Variants in EYS observed in about 807,000 individuals in gnomAD.
EYS encodes protein eyes shut homolog.
A neutral mutation model predicts 282.1 loss-of-function variants in EYS; 250 were observed. The ratio of observed to expected loss-of-function variants is 0.89; its 90% confidence interval spans 0.80 to 0.98. The LOEUF is 0.98. Ranked by LOEUF, EYS falls within the 50% of genes least tolerant of loss-of-function variation. EYS has a pLI of 0.00. For synonymous variants in EYS, 1,355 were observed against 1,282.9 expected (o/e 1.06, Z -1.20); for missense variants, 4,016 against 3,709.0 (o/e 1.08, Z -2.15).
intron 8 of EYS, among the ~76,000 whole-genome samples, chr6:65,378,060 G>T (rs1039217195): frequency 2.0e-5 from 3 of 152,108 alleles, no homozygotes; most frequent in African/African-American, 7.2e-5. Flanking sequence ...AAGAGCTTCT[G>T]CACAGCAAAG....
rs1333585307 is a variant in EYS at position 64,307,082 on chromosome 6, T to A, written c.6079A>T (p.Met2027Leu). Residue 2027 changes from methionine to leucine, a missense_variant and splice_region_variant, in exon 30 of 43, where the codon ATG becomes TTG. By Grantham distance (15) the Met-to-Leu change is conservative. Transcript: ENST00000503581. ...GFPDLHGKIQ[M>L]PVPVKNFTGC... ...GTAAAATTCTTGACTGGTACAGGCA[T>A]CTGAGAGAGAGAGAGAGAGAGAGAA... 1.6e-6 allele frequency: 2 copies of A among 1,238,044 alleles called. No homozygotes were observed. The highest frequency in any genetic ancestry group is 4.6e-5 in the Admixed American group (2 of 43,232). 76.7% of individuals were successfully genotyped at this position (1,238,044 alleles called of 1,614,324 possible). A position where few individuals can be genotyped will look rare whatever the true frequency, so the allele number is the denominator to read the frequency against.
intron 2 of EYS, among the ~76,000 whole-genome samples, chr6:65,556,967 A>G (rs192388931): frequency 5.3e-5 from 8 of 152,362 alleles, no homozygotes; most frequent in Non-Finnish European, 1.0e-4. Flanking sequence ...AGTATATGGT[A>G]ATAATATATG....
intron 21 of EYS, among the ~76,000 whole-genome samples, chr6:64,814,791 T>C (rs751587751): frequency 2.6e-4 from 40 of 151,982 alleles, no homozygotes; most frequent in Non-Finnish European, 1.0e-4. Context: ...ACTTGAATCA[T>C]TTTGCACTCT....
chr6:64,374,486 A>G (rs1459583900), intron 29 of EYS, among the ~76,000 whole-genome samples: 1 of 151,032 alleles, frequency 6.6e-6, no homozygotes, highest in Non-Finnish European at 1.5e-5. Flanking sequence ...GGAGAGCATG[A>G]ATGCCCCTGG....
At chr6:64,418,753 C>G (rs2150449308) in intron 28 of EYS, among the ~76,000 whole-genome samples, 1 of 151,300 alleles carries the variant, frequency 6.6e-6, no homozygotes, top group South Asian at 2.1e-4. Context: ...GAATATATGA[C>G]TATAATTGAG....
At chr6:65,220,624 A>C (rs1158613621) in intron 12 of EYS, among the ~76,000 whole-genome samples, 1 of 152,176 alleles carries the variant, frequency 6.6e-6, no homozygotes, top group Non-Finnish European at 1.5e-5. Context: ...CAGGATGAGA[A>C]TGAACTAATA....
At chr6:65,398,583 CA>C (rs1766377141) in intron 7 of EYS, among the ~76,000 whole-genome samples, 1 of 151,936 alleles carries the variant, frequency 6.6e-6, no homozygotes, top group Non-Finnish European at 1.5e-5. Flanking sequence ...ACTAAGTTCT[CA>C]AAAGGAAATG....
intron 36 of EYS, among the ~76,000 whole-genome samples, chr6:63,815,129 C>G (rs1771146334): frequency 6.6e-6 from 1 of 152,128 alleles, no homozygotes; most frequent in Non-Finnish European, 1.5e-5. Flanking sequence ...CAAGATATGG[C>G]TGTTTAGATG....
Position 65,502,010 on chromosome 6 carries a change from T to C in EYS, c.-332-6017A>G, listed in dbSNP as rs1766470937. On this transcript the variant is annotated intron_variant, in intron 2 of 42. Transcript: ENST00000503581. ...TTTCCTTTCTCCACATATGGTCTTA[T>C]AGATTATTGATTTTTTAAAAAATAT... 2.6e-5 allele frequency among the ~76,000 whole-genome samples: 4 copies of C among 151,760 alleles called. 1 individual carries two copies. The highest frequency in any genetic ancestry group is 4.1e-4 in the South Asian group (2 of 4,834).
chr6:65,406,543 A>G lies in EYS; in HGVS notation c.863-1176T>C, dbSNP rs1039456593. Among the ~76,000 whole-genome samples the G allele has an allele frequency of 7.9e-5, 12 of 152,150 alleles. No individual in the cohort carries two copies. In the East Asian group the frequency reaches 2.3e-3, roughly 29 times the overall value. The stretch of plus-strand genomic sequence containing the variant: ...TGAAGACATTTTAATATATTTTATA[A>G]TTTTAGCTCCTATGTTTAGATTCCT... On this transcript the variant is annotated intron_variant, in intron 5 of 42. Transcript: ENST00000503581.
At chr6:64,886,942 A>G in intron 18 of EYS, 100 bp from the exon 19 acceptor site, 2 of 755,040 alleles carry the variant, frequency 2.6e-6, no homozygotes, top group Non-Finnish European at 2.0e-6. Flanking sequence ...CATTCAACTT[A>G]ATTGAAATAA....
intron 32 of EYS, among the ~76,000 whole-genome samples, chr6:64,074,023 G>A (rs899353186): frequency 3.3e-5 from 5 of 151,578 alleles, no homozygotes; most frequent in South Asian, 2.1e-4. Context: ...GAAGTAATGC[G>A]GTAATAGTTC....
intron 16 of EYS, among the ~76,000 whole-genome samples, chr6:64,904,396 A>G (rs1767762127): frequency 6.6e-6 from 1 of 152,146 alleles, no homozygotes; most frequent in African/African-American, 2.4e-5. Flanking sequence ...GGCTCTCCTC[A>G]TTTTAGGTGA....
chr6:65,647,808 T>G (rs1332266828), intron 1 of EYS, among the ~76,000 whole-genome samples: 2 of 151,894 alleles, frequency 1.3e-5, no homozygotes, highest in Non-Finnish European at 1.5e-5. Flanking sequence ...TACAAAGAAC[T>G]CAAACAAATC....
At chr6:65,506,789 CTAATT>C (rs1432682419) in intron 2 of EYS, among the ~76,000 whole-genome samples, 1 of 151,860 alleles carries the variant, frequency 6.6e-6, no homozygotes, top group Admixed American at 6.6e-5. Context: ...CCTTTTTTAA[CTAATT>C]TAATTTGATT....
intron 35 of EYS, among the ~76,000 whole-genome samples, chr6:63,925,309 C>G (rs1764683959): frequency 6.6e-6 from 1 of 152,050 alleles, no homozygotes; most frequent in African/African-American, 2.4e-5. Flanking sequence ...CAGTCCTGTT[C>G]ATCAGAAAGA....
Position 65,335,135 on chromosome 6 carries a change from A to G in EYS, c.1611T>C (p.Asn537=), listed in dbSNP as rs1404432978. ...CTTCTTCACTCAAACAACTGCATCC[A>G]TTTGCACAAATCTATAGCAACGAAA... ...PHEGTKEICA[N]GCSCLSEEDS... is the part of the protein sequence containing the mutation. The change falls in exon 11 of 43, where the codon AAT becomes AAC. Residue 537 remains asparagine, a synonymous_variant. Transcript: ENST00000503581. 6.2e-7 allele frequency: 1 copy of G among 1,609,512 alleles called. No homozygotes were observed. The highest frequency in any genetic ancestry group is 2.2e-5 in the East Asian group (1 of 44,736).
chr6:63,875,607 T>G lies in EYS; in HGVS notation c.7056-11249A>C, dbSNP rs148214662. ...TTGTGATTCCGTCTGGTCCTGGACTTTTTTGGGTTGGTAGGCTGTTAATTA... is the reference window on the plus strand; with the variant it reads ...TTGTGATTCCGTCTGGTCCTGGACTGTTTTGGGTTGGTAGGCTGTTAATTA... On this transcript the variant is annotated intron_variant, in intron 35 of 42. Transcript: ENST00000503581. Among the ~76,000 whole-genome samples the G allele has an allele frequency of 7.5e-3, 1,148 of 152,246 alleles. 6 individuals are homozygous for G. The highest frequency in any genetic ancestry group is 0.011 in the Non-Finnish European group (730 of 68,002).
chr6:64,874,861 A>G (rs773402761), intron 19 of EYS, among the ~76,000 whole-genome samples: 2 of 152,048 alleles, frequency 1.3e-5, no homozygotes, highest in Non-Finnish European at 2.9e-5. Context: ...AAGGTAGTTC[A>G]CATCGTGTAT....
Sources: gnomAD v4.1 joint callset for allele counts (sites outside exome capture counted in the v4.1 genomes callset) on GRCh38, gnomAD v4.1.1 for gene constraint, MANE v1.5 for transcripts, NCBI Gene and HGNC (gene_info 2026-07-23, HGNC 2026-07-21) for gene names.